RNF144A: variants seen among roughly 807,000 people sequenced by gnomAD.
The protein encoded by RNF144A is ring finger protein 144A, also known as E3 ubiquitin-protein ligase RNF144A.
A neutral mutation model predicts 38.7 loss-of-function variants in RNF144A; 11 were observed. The ratio of observed to expected loss-of-function variants is 0.28; its 90% CI spans 0.18 to 0.47. RNF144A has a LOEUF of 0.47. RNF144A is among the 20% of genes least tolerant of loss of function. RNF144A has a pLI of 0.99. For synonymous variants in RNF144A, 149 were observed against 143.9 expected (o/e 1.04, Z -0.25); for missense variants, 316 against 377.2 (o/e 0.84, Z 1.34).
At chr2:7,075,043 A>G in the RNF144A span, among the ~76,000 whole-genome samples, 1 of 152,184 alleles carries the variant, frequency 6.6e-6, no homozygotes, top group African/African-American at 2.4e-5. Flanking sequence ...AACCTTCCCA[A>G]AACTTTTTTT....
intron 1 of RNF144A, among the ~76,000 whole-genome samples, chr2:6,938,209 ATGTTTCTGT>A (rs1460973065): frequency 4.1e-4 from 60 of 146,654 alleles, no homozygotes; most frequent in Non-Finnish European, 8.1e-4. Flanking sequence ...TCCACTTGGC[ATGTTTCTGT>A]TCCCCTCCCC....
chr2:7,021,301 G>T (rs904096131), intron 6 of RNF144A, among the ~76,000 whole-genome samples: 2 of 152,150 alleles, frequency 1.3e-5, no homozygotes, highest in Non-Finnish European at 2.9e-5. Context: ...CCCTGCTCCT[G>T]TTGAGTCCAG....
At chr2:7,000,228 C>T (rs1472557238) in intron 3 of RNF144A, among the ~76,000 whole-genome samples, 2 of 152,140 alleles carry the variant, frequency 1.3e-5, no homozygotes, top group African/African-American at 4.8e-5. Flanking sequence ...TAAATTGTTC[C>T]ATTTGGATTA....
At chr2:6,999,172 A>G (rs753429729) in intron 3 of RNF144A, among the ~76,000 whole-genome samples, 24 of 152,264 alleles carry the variant, frequency 1.6e-4, no homozygotes, top group Non-Finnish European at 2.9e-4. Flanking sequence ...AACACCAAAA[A>G]AACAGTGACA....
intron 2 of RNF144A, among the ~76,000 whole-genome samples, chr2:6,965,992 C>T (rs1417276830): frequency 6.6e-6 from 1 of 152,210 alleles, no homozygotes; most frequent in Non-Finnish European, 1.5e-5. Context: ...ACCAGAATTG[C>T]ACATTCAGCA....
In RNF144A at chr2:7,043,656, G is replaced by A. The variant is rs17668081; in HGVS notation, c.*3896G>A. On this transcript the variant is annotated 3_prime_UTR_variant, in exon 9 of 9. Coordinates refer to ENST00000320892, the MANE Select transcript of RNF144A (RefSeq NM_014746.6). ...CACCAAAAGGAACAAAGGGGCCTGC[G>A]TTAAAACCTAATTGCTAATGCTTCA... is the stretch of plus-strand genomic sequence containing the variant. 0.083 allele frequency: 81,978 copies of A among 985,692 alleles called. 3,613 individuals carry two copies. The highest frequency in any genetic ancestry group is 0.18 in the Middle Eastern group (342 of 1,914). The allele number at this position is 985,692 out of a possible 1,614,324, so 61.1% of individuals were successfully genotyped here.
chr2:6,978,301 C>T (rs1221900668), intron 2 of RNF144A, among the ~76,000 whole-genome samples: 1 of 152,194 alleles, frequency 6.6e-6, no homozygotes, highest in African/African-American at 2.4e-5. Context: ...TAATGATGCT[C>T]AAGTGACCAA....
At chr2:6,957,231 T>C (rs1470173696) in intron 2 of RNF144A, among the ~76,000 whole-genome samples, 6 of 152,210 alleles carry the variant, frequency 3.9e-5, no homozygotes, top group Admixed American at 2.6e-4. Context: ...ATCCTGTATC[T>C]GTCTGTCCTG....
At chr2:6,961,085 T>C (rs1667302645) in intron 2 of RNF144A, among the ~76,000 whole-genome samples, 1 of 152,168 alleles carries the variant, frequency 6.6e-6, no homozygotes, top group Non-Finnish European at 1.5e-5. Flanking sequence ...TGGTTTTTTT[T>C]TTCTGTATGG....
intron 1 of RNF144A, among the ~76,000 whole-genome samples, chr2:6,932,125 T>C (rs1485550356): frequency 6.6e-6 from 1 of 152,254 alleles, no homozygotes; most frequent in Non-Finnish European, 1.5e-5. Flanking sequence ...TTAGCATTGT[T>C]ATGTCTTGGA....
At chr2:7,063,160 C>T (rs1307000634) in intron 6 of RNF144A, among the ~76,000 whole-genome samples, 1 of 152,184 alleles carries the variant, frequency 6.6e-6, no homozygotes, top group Non-Finnish European at 1.5e-5. Flanking sequence ...CCTAACACAG[C>T]CTTGGCAGTT....
chr2:6,970,456 T>G (rs1667940655), intron 2 of RNF144A, among the ~76,000 whole-genome samples: 1 of 152,224 alleles, frequency 6.6e-6, no homozygotes, highest in Non-Finnish European at 1.5e-5. Flanking sequence ...AACCTCTTTC[T>G]TTTGTAAATT....
chr2:6,956,826 T>C (rs892478035), intron 2 of RNF144A, among the ~76,000 whole-genome samples: 1 of 152,250 alleles, frequency 6.6e-6, no homozygotes, highest in Non-Finnish European at 1.5e-5. Context: ...ACAAAAAATA[T>C]GCAGGGCACT....
chr2:7,041,505 C>T lies in RNF144A; in HGVS notation c.*1745C>T. The T allele has an allele frequency of 1.0e-6, 1 of 986,018 alleles. No homozygotes were observed. Among genetic ancestry groups the T allele is most frequent in the Non-Finnish European group, 1.2e-6 (1 of 829,952 alleles). 61.1% of individuals were successfully genotyped at this position (986,018 alleles called of 1,614,324 possible). On this transcript the variant is annotated 3_prime_UTR_variant, in exon 9 of 9. Coordinates refer to ENST00000320892, the MANE Select transcript of RNF144A (RefSeq NM_014746.6). ...ACTCAGTAAGAACATGCCTGCGACT[C>T]CCTTTCTGGATGGAACCTGGGCTGT...
chr2:6,925,453 C>T (rs990959941), intron 1 of RNF144A, among the ~76,000 whole-genome samples: 3 of 152,134 alleles, frequency 2.0e-5, no homozygotes, highest in African/African-American at 7.2e-5. Flanking sequence ...CTTCTGTCCT[C>T]CCCCTTCCCC....
At chr2:6,978,452 G>C (rs1038773963) in intron 2 of RNF144A, among the ~76,000 whole-genome samples, 5 of 152,160 alleles carry the variant, frequency 3.3e-5, no homozygotes, top group Admixed American at 6.6e-5. Context: ...ACCTTATAAA[G>C]GTTCCAGGGG....
At chr2:7,018,160 A>G (rs549960392) in intron 5 of RNF144A, among the ~76,000 whole-genome samples, 4 of 152,296 alleles carry the variant, frequency 2.6e-5, no homozygotes, top group Non-Finnish European at 4.4e-5. Context: ...AGAAGCTCCT[A>G]CTGCACAGGA....
chr2:7,023,222 C>T (rs1399837026), intron 6 of RNF144A, among the ~76,000 whole-genome samples: 5 of 152,112 alleles, frequency 3.3e-5, no homozygotes, highest in African/African-American at 1.2e-4. Flanking sequence ...ACTAATGGAC[C>T]AAACAGTCAC....
Position 7,020,560 on chromosome 2 carries a change from C to T in RNF144A, c.389C>T (p.Pro130Leu), listed in dbSNP as rs145045322. ...CQLQDVGLQTPQPVQCKACRM... is the reference protein window; with the variant it reads ...CQLQDVGLQTLQPVQCKACRM... ...CTCCAGGACGTGGGGCTGCAGACCCCCCAGCCAGTGCAGTGCAAAGCCTGC... is the reference window on the plus strand; with the variant it reads ...CTCCAGGACGTGGGGCTGCAGACCCTCCAGCCAGTGCAGTGCAAAGCCTGC... Residue 130 changes from proline (P) to leucine (L), a missense_variant, in exon 6 of 9, where the codon CCC (proline) becomes CTC (leucine). Pro to Leu is a moderately conservative substitution (Grantham distance 98). Coordinates refer to ENST00000320892, the MANE Select transcript of RNF144A (RefSeq NM_014746.6). The T allele has an allele frequency of 3.7e-6, 6 of 1,613,304 alleles. No homozygotes were observed. The highest frequency in any genetic ancestry group is 5.1e-6 in the Non-Finnish European group (6 of 1,180,024).
Sources: allele counts gnomAD v4.1 joint callset (sites outside exome capture counted in the v4.1 genomes callset), GRCh38; gene constraint gnomAD v4.1.1; transcripts MANE v1.5; gene names NCBI Gene and HGNC (gene_info 2026-07-23, HGNC 2026-07-21).